The following CACNA2D3 variants were observed in gnomAD, a reference collection of about 807,000 sequenced individuals.
CACNA2D3 encodes voltage-dependent calcium channel subunit alpha-2/delta-3.
CACNA2D3 carries 60 observed loss-of-function variants against 160.6 expected under a neutral mutation model. The observed-to-expected ratio is 0.37, with a 90% confidence interval of 0.30 to 0.46. The LOEUF is 0.46. Among genes scored for constraint, CACNA2D3 ranks in the 20% least tolerant of loss-of-function variants. CACNA2D3 has a pLI of 1.00. For synonymous variants in CACNA2D3, 558 were observed against 492.9 expected (o/e 1.13, Z -1.75); for missense variants, 1,205 against 1,365.0 (o/e 0.88, Z 1.85).
rs62252259 is a variant in CACNA2D3 at position 54,248,373 on chromosome 3, C to T, written c.205-72069C>T. Among the ~76,000 whole-genome samples the T allele has an allele frequency of 6.0e-5, 9 of 150,758 alleles. No homozygotes were observed. The South Asian group carries it at 8.4e-4, about 14-fold the overall frequency. On this transcript the variant is annotated intron_variant, in intron 2 of 37. Transcript: ENST00000474759. Reference sequence around the variant, plus strand: ...GCATGCTCCTGTAATCCCAGCAACTCGGGAGGCTGAGGCAGGAGAATCCCT... The same window carrying T: ...GCATGCTCCTGTAATCCCAGCAACTTGGGAGGCTGAGGCAGGAGAATCCCT...
intron 12 of CACNA2D3, among the ~76,000 whole-genome samples, chr3:54,754,291 G>A (rs1174078560): frequency 1.1e-4 from 17 of 152,166 alleles, no homozygotes; most frequent in Admixed American, 1.3e-4. Flanking sequence ...TATCCAAGTC[G>A]TATCCAAGTC....
At chr3:54,430,820 T>C (rs1272972481) in intron 4 of CACNA2D3, among the ~76,000 whole-genome samples, 1 of 152,178 alleles carries the variant, frequency 6.6e-6, no homozygotes, top group Non-Finnish European at 1.5e-5. Context: ...CTGATAACAG[T>C]TGACCCTTAA....
chr3:54,383,989 CAT>C (rs1307634392), intron 3 of CACNA2D3, among the ~76,000 whole-genome samples: 1 of 152,146 alleles, frequency 6.6e-6, no homozygotes, highest in South Asian at 2.1e-4. Context: ...TACATACACA[CAT>C]ATGTAAATAA....
intron 35 of CACNA2D3, among the ~76,000 whole-genome samples, chr3:55,062,738 C>T (rs980835710): frequency 7.2e-5 from 11 of 152,334 alleles, no homozygotes; most frequent in Admixed American, 7.2e-4. Context: ...TTTATGGCTT[C>T]TTAATGTGTT....
At chr3:54,437,229 T>C (rs1414724580) in intron 4 of CACNA2D3, among the ~76,000 whole-genome samples, 1 of 152,250 alleles carries the variant, frequency 6.6e-6, no homozygotes, top group Non-Finnish European at 1.5e-5. Flanking sequence ...GTTTTTTCAA[T>C]GAGCCGTCGT....
At chr3:54,803,901 C>A (rs1046511597) in intron 13 of CACNA2D3, among the ~76,000 whole-genome samples, 6 of 152,164 alleles carry the variant, frequency 3.9e-5, no homozygotes, top group African/African-American at 1.4e-4. Flanking sequence ...GGCCAATATT[C>A]AACATTCTTA....
At chr3:54,755,816 A>T (rs1005510225) in intron 12 of CACNA2D3, among the ~76,000 whole-genome samples, 32 of 151,248 alleles carry the variant, frequency 2.1e-4, no homozygotes, top group Admixed American at 5.9e-4. Flanking sequence ...CCATTTTTTA[A>T]TTTTTTTTAA....
intron 35 of CACNA2D3, among the ~76,000 whole-genome samples, chr3:55,056,685 A>G (rs138393757): frequency 3.9e-5 from 6 of 152,330 alleles, no homozygotes; most frequent in African/African-American, 1.4e-4. Context: ...TCATTATTCT[A>G]TATGAAATAA....
intron 35 of CACNA2D3, among the ~76,000 whole-genome samples, chr3:55,041,358 T>A (rs1012450768): frequency 6.6e-6 from 1 of 152,238 alleles, no homozygotes; most frequent in African/African-American, 2.4e-5. Flanking sequence ...ATGGAAGTTG[T>A]ATCATTTTGC....
rs33976949 is a variant in CACNA2D3, at chr3:54,368,693, C to CTTTTTT, written c.322-18001_322-17996dup. ...CAAGGTAATATTTGGGGGTAGGGTT[C>CTTTTTT]TTTTTTTTTTTTTTTTTTTTTTTTT... On this transcript the variant is annotated intron_variant, in intron 3 of 37. Coordinates refer to ENST00000474759, the MANE Select transcript of CACNA2D3 (RefSeq NM_018398.3). 4.8e-4 allele frequency among the ~76,000 whole-genome samples: 34 copies of CTTTTTT among 71,536 alleles called. 5 individuals carry two copies. The East Asian group carries it at 7.4e-3, about 16-fold the overall frequency. The allele number at this position is 71,536 out of a possible 152,430, so 46.9% of individuals were successfully genotyped here.
At chr3:54,394,025 G>A (rs1166087994) in intron 4 of CACNA2D3, among the ~76,000 whole-genome samples, 1 of 152,134 alleles carries the variant, frequency 6.6e-6, no homozygotes. Flanking sequence ...TCACCATCTG[G>A]GGGTCCAGAG....
chr3:54,246,957 T>G (rs1351151911), intron 2 of CACNA2D3, among the ~76,000 whole-genome samples: 1 of 152,136 alleles, frequency 6.6e-6, no homozygotes, highest in Non-Finnish European at 1.5e-5. Flanking sequence ...GGAGGAAGAA[T>G]GAGCAGACTA....
Position 54,956,263 on chromosome 3 carries a change from G to A in CACNA2D3, c.2450-12187G>A, listed in dbSNP as rs529651574. ...GCTGCCTTGCTGCATGAGCAGACCC[G>A]TAAGCGCATGGTCTTCCCTTGGCTG... On this transcript the variant is annotated intron_variant, in intron 27 of 37. Transcript: ENST00000474759. Among the ~76,000 whole-genome samples the A allele has an allele frequency of 5.9e-5, 9 of 152,344 alleles. No homozygotes were observed. In the South Asian group the frequency reaches 1.9e-3, roughly 32 times the overall value.
chr3:54,925,287 G>C, intron 27 of CACNA2D3: 2 of 1,240,838 alleles, frequency 1.6e-6, no homozygotes, highest in Admixed American at 1.9e-5. Context: ...TTCCGCCTTT[G>C]AATTTACAGG....
chr3:54,591,278 C>A (rs931014739), intron 9 of CACNA2D3, among the ~76,000 whole-genome samples: 1 of 152,218 alleles, frequency 6.6e-6, no homozygotes, highest in Non-Finnish European at 1.5e-5. Context: ...CCAGCTATCT[C>A]CTCTAGGTGT....
intron 11 of CACNA2D3, among the ~76,000 whole-genome samples, chr3:54,690,301 C>A (rs926731459): frequency 6.6e-6 from 1 of 152,058 alleles, no homozygotes; most frequent in East Asian, 1.9e-4. Context: ...TTTTTTTTCC[C>A]ATAGTAATTT....
At chr3:54,304,858 ACCATAC>A (rs1229023209) in intron 2 of CACNA2D3, among the ~76,000 whole-genome samples, 1 of 152,136 alleles carries the variant, frequency 6.6e-6, no homozygotes, top group Non-Finnish European at 1.5e-5. Context: ...AAATTCTGCC[ACCATAC>A]CCAGGCACGA....
In CACNA2D3 at chr3:54,663,331, C is replaced by T. The variant is rs150176682; in HGVS notation, c.1167+21090C>T. ...GCTTGTTTTAGAGGCAGTGTGGCAC[C>T]TCCTGTTGTCTTCAGCCCTTCTGGA... On this transcript the variant is annotated intron_variant, in intron 11 of 37. Transcript: ENST00000474759. 3.7e-4 allele frequency among the ~76,000 whole-genome samples: 56 copies of T among 152,284 alleles called. No individual in the cohort carries two copies. The East Asian group carries it at 9.1e-3, about 25-fold the overall frequency.
chr3:54,762,944 C>T (rs551933409), intron 12 of CACNA2D3, among the ~76,000 whole-genome samples: 1 of 151,930 alleles, frequency 6.6e-6, no homozygotes, highest in East Asian at 1.9e-4. Flanking sequence ...ACAAAACAGC[C>T]GGGCGTGGTG....
Sources: allele counts gnomAD v4.1 joint callset (sites outside exome capture counted in the v4.1 genomes callset), GRCh38; gene constraint gnomAD v4.1.1; transcripts MANE v1.5; gene names NCBI Gene and HGNC (gene_info 2026-07-23, HGNC 2026-07-21).